GPR15LG: variants seen among roughly 807,000 people sequenced by gnomAD.
GPR15LG encodes G protein-coupled receptor 15 ligand.
At chr10:84,182,527 A>C in the GPR15LG span, among the ~76,000 whole-genome samples, 1 of 152,194 alleles carries the variant, frequency 6.6e-6, no homozygotes, top group Non-Finnish European at 1.5e-5. Flanking sequence ...CTCGGTTGGA[A>C]CAACTAGCCT....
At chr10:84,184,209 C>A in the GPR15LG span, among the ~76,000 whole-genome samples, 1 of 151,112 alleles carries the variant, frequency 6.6e-6, no homozygotes, top group African/African-American at 2.4e-5. Context: ...GCAGCTTTTT[C>A]TTTCTTGTGG....
At chr10:84,185,235 C>A in the GPR15LG span, 1 of 202,256 alleles carries the variant, frequency 4.9e-6, no homozygotes, top group Non-Finnish European at 9.1e-6. Flanking sequence ...CATGAGTCTG[C>A]TGGAAAGAGC....
the GPR15LG span, among the ~76,000 whole-genome samples, chr10:84,175,351 A>G: frequency 3.3e-5 from 5 of 152,348 alleles, no homozygotes; most frequent in East Asian, 7.7e-4. Context: ...ATGAGGATAG[A>G]TACCTTCCCC....
chr10:84,174,856 G>A, the GPR15LG span, among the ~76,000 whole-genome samples: 2 of 152,106 alleles, frequency 1.3e-5, no homozygotes, highest in African/African-American at 4.8e-5. Flanking sequence ...TCTAGAAACT[G>A]CCTACATTTA....
At chr10:84,176,536 C>G in the GPR15LG span, 39 of 1,613,900 alleles carry the variant, frequency 2.4e-5, no homozygotes, top group Admixed American at 3.3e-5. Context: ...CTGCTGCCAC[C>G]GAGTCCCTAG....
At chr10:84,183,724 A>G in the GPR15LG span, among the ~76,000 whole-genome samples, 2 of 151,946 alleles carry the variant, frequency 1.3e-5, no homozygotes, top group East Asian at 1.9e-4. Flanking sequence ...ATGGCTCACC[A>G]CAGCCTCACC....
the GPR15LG span, among the ~76,000 whole-genome samples, chr10:84,184,411 T>C: frequency 7.9e-5 from 12 of 152,190 alleles, no homozygotes; most frequent in Non-Finnish European, 1.3e-4. Flanking sequence ...GGGCTCCACT[T>C]AGGATCAGCC....
chr10:84,175,465 G>A, the GPR15LG span, among the ~76,000 whole-genome samples: 3 of 152,352 alleles, frequency 2.0e-5, no homozygotes, highest in Non-Finnish European at 4.4e-5. Flanking sequence ...AACGTACTAT[G>A]ATGAATTTAC....
chr10:84,184,170 A>T, the GPR15LG span, among the ~76,000 whole-genome samples: 1 of 151,448 alleles, frequency 6.6e-6, no homozygotes, highest in Non-Finnish European at 1.5e-5. Flanking sequence ...AAAAAAAAAA[A>T]AAAAAACTAT....
the GPR15LG span, among the ~76,000 whole-genome samples, chr10:84,175,977 C>T: frequency 6.6e-6 from 1 of 152,100 alleles, no homozygotes; most frequent in Non-Finnish European, 1.5e-5. Flanking sequence ...CAACCTCCGC[C>T]TCCCGGGTTC....
the GPR15LG span, chr10:84,185,147 C>A: frequency 1.0e-6 from 1 of 989,992 alleles, no homozygotes; most frequent in Non-Finnish European, 1.2e-6. Context: ...TCTCCTCCAT[C>A]TTCAGGTCCA....
At chr10:84,179,696 G>A in the GPR15LG span, among the ~76,000 whole-genome samples, 334 of 152,234 alleles carry the variant, frequency 2.2e-3, 2 homozygotes, top group Middle Eastern at 0.017. Context: ...ACTACTCCTC[G>A]TTCTATGGTG....
chr10:84,176,631 C>G, the GPR15LG span: 1 of 1,177,044 alleles, frequency 8.5e-7, no homozygotes, highest in Non-Finnish European at 1.3e-6. Context: ...ATGGGACCAG[C>G]CACACACACT....
the GPR15LG span, chr10:84,184,549 G>C: frequency 1.0e-6 from 1 of 970,400 alleles, no homozygotes. Context: ...TCTAATTCTT[G>C]CTTTGAAATT....
At chr10:84,179,251 C>T in the GPR15LG span, among the ~76,000 whole-genome samples, 6 of 152,290 alleles carry the variant, frequency 3.9e-5, no homozygotes, top group Non-Finnish European at 7.3e-5. Flanking sequence ...CATGATGAGC[C>T]GTCGATGGGT....
chr10:84,183,453 T>C, the GPR15LG span, among the ~76,000 whole-genome samples: 1 of 152,222 alleles, frequency 6.6e-6, no homozygotes, highest in Non-Finnish European at 1.5e-5. Flanking sequence ...TTCATTTGTG[T>C]GTCCTTTGTT....
the GPR15LG span, among the ~76,000 whole-genome samples, chr10:84,176,977 C>T: frequency 2.8e-4 from 42 of 152,188 alleles, no homozygotes; most frequent in African/African-American, 9.4e-4. Flanking sequence ...GGTAGCAGGG[C>T]TTGAGAGGTA....
the GPR15LG span, among the ~76,000 whole-genome samples, chr10:84,182,588 C>T: frequency 2.6e-5 from 4 of 152,224 alleles, no homozygotes; most frequent in Non-Finnish European, 5.9e-5. Flanking sequence ...AGACTGTTCA[C>T]GTGGTGTCTG....
At chr10:84,177,523 C>T in the GPR15LG span, among the ~76,000 whole-genome samples, 25 of 152,340 alleles carry the variant, frequency 1.6e-4, no homozygotes, top group Non-Finnish European at 2.6e-4. Flanking sequence ...TGACCAGCGC[C>T]GGAGCCTCCA....
Sources: gnomAD v4.1 joint callset for allele counts (sites outside exome capture counted in the v4.1 genomes callset) on GRCh38, gnomAD v4.1.1 for gene constraint, MANE v1.5 for transcripts, NCBI Gene and HGNC (gene_info 2026-07-23, HGNC 2026-07-21) for gene names.